ADGB: variants seen among roughly 807,000 people sequenced by gnomAD.
ADGB encodes the protein androglobin.
A neutral mutation model predicts 210.5 loss-of-function variants in ADGB; 172 were observed. That is an observed-to-expected ratio of 0.82 (90% CI 0.72 to 0.93). The LOEUF (loss-of-function observed/expected upper bound fraction) is 0.93, where lower values mean the gene tolerates loss of function less well. Among genes scored for constraint, ADGB ranks in the 40% least tolerant of loss-of-function variants. The pLI is 0.00. For synonymous variants in ADGB, 658 were observed against 662.7 expected (o/e 0.99, Z 0.11); for missense variants, 2,025 against 1,964.8 (o/e 1.03, Z -0.58).
chr6:146,615,907 C>G (rs942716537), intron 1 of ADGB, among the ~76,000 whole-genome samples: 3 of 152,244 alleles, frequency 2.0e-5, no homozygotes, highest in African/African-American at 7.2e-5. Flanking sequence ...ATACTGACTT[C>G]ATTTCCTTTG....
At chr6:146,704,763 T>C (rs977227250) in intron 13 of ADGB, among the ~76,000 whole-genome samples, 4 of 152,012 alleles carry the variant, frequency 2.6e-5, no homozygotes, top group Middle Eastern at 3.2e-3. Flanking sequence ...GGGTCTTTTG[T>C]GGTTTCACAT....
At chr6:146,642,653 G>A (rs1416831262) in intron 2 of ADGB, among the ~76,000 whole-genome samples, 1 of 151,864 alleles carries the variant, frequency 6.6e-6, no homozygotes, top group East Asian at 1.9e-4. Flanking sequence ...GCAAACTAAT[G>A]CAGGAACAAA....
chr6:146,762,361 T>C (rs891441755), intron 27 of ADGB, among the ~76,000 whole-genome samples: 22 of 152,174 alleles, frequency 1.4e-4, no homozygotes, highest in Non-Finnish European at 3.1e-4. Context: ...TGGAATTTCA[T>C]TTTGATTCTT....
chr6:146,800,032 A>C (rs1778103028), intron 33 of ADGB, among the ~76,000 whole-genome samples: 1 of 150,620 alleles, frequency 6.6e-6, no homozygotes, highest in Non-Finnish European at 1.5e-5. Flanking sequence ...CTGGTCTTGA[A>C]CTCCTGACCT....
At position 146,803,462 on chromosome 6, in the gene ADGB, A is replaced by G. The variant is rs1778162149; in HGVS notation, c.4818+1451A>G. ...CCAGGGGGCTGTTTTTTTCTGTAAC[A>G]AAGATTTGGAAAGGGATGATGAACT... On this transcript the variant is annotated intron_variant, in intron 35 of 35. Coordinates refer to ENST00000397944, the MANE Select transcript of ADGB (RefSeq NM_024694.4). The G allele has an allele frequency of 5.0e-6, 8 of 1,604,956 alleles. 1 individual carries two copies. In the East Asian group the frequency reaches 1.8e-4, roughly 36 times the overall value.
At chr6:146,707,622 A>C (rs146729728) in intron 13 of ADGB, among the ~76,000 whole-genome samples, 1 of 152,226 alleles carries the variant, frequency 6.6e-6, no homozygotes, top group East Asian at 1.9e-4. Flanking sequence ...TTTTGACTTA[A>C]AGTCTATTTT....
intron 28 of ADGB, among the ~76,000 whole-genome samples, chr6:146,768,265 G>C (rs1403644584): frequency 1.3e-5 from 2 of 152,090 alleles, no homozygotes; most frequent in African/African-American, 4.8e-5. Context: ...AAATTCATAG[G>C]AATGAATAGC....
chr6:146,807,375 T>A, intron 35 of ADGB: 1 of 1,546,866 alleles, frequency 6.5e-7, no homozygotes, highest in Middle Eastern at 1.7e-4. Flanking sequence ...AGTGGAATTA[T>A]TTGTTTGGGG....
At chr6:146,608,877 G>C (rs905051197) in intron 1 of ADGB, among the ~76,000 whole-genome samples, 1 of 152,140 alleles carries the variant, frequency 6.6e-6, no homozygotes, top group Admixed American at 6.6e-5. Flanking sequence ...GTAGATGTCT[G>C]TCAGGTCCAT....
intron 3 of ADGB, among the ~76,000 whole-genome samples, chr6:146,652,765 C>A (rs1271876275): frequency 1.3e-5 from 2 of 152,002 alleles, no homozygotes; most frequent in Non-Finnish European, 2.9e-5. Context: ...ACAAAATAGA[C>A]AATAATCATT....
chr6:146,692,598 C>A (rs1027796868), intron 11 of ADGB, among the ~76,000 whole-genome samples: 1 of 152,162 alleles, frequency 6.6e-6, no homozygotes, highest in Admixed American at 6.5e-5. Flanking sequence ...ACTTGTTTCA[C>A]ATAATCTGGA....
chr6:146,782,281 G>A lies in ADGB; in HGVS notation c.4035+89G>A, dbSNP rs9497622. The A allele has an allele frequency of 3.4e-5, 41 of 1,198,394 alleles. No homozygotes were observed. The African/African-American group carries it at 5.6e-4, about 16-fold the overall frequency. The allele number at this position is 1,198,394 out of a possible 1,614,324, so 74.2% of individuals were successfully genotyped here. On this transcript the variant is annotated intron_variant, in intron 30 of 35. Transcript: ENST00000397944. ...GCCTATCTCGTCTGAGGACAAAACC[G>A]TGAAACATTCTTTCTCCCTGATTCC...
At chr6:146,656,210 T>A (rs1258241576) in intron 4 of ADGB, among the ~76,000 whole-genome samples, 1 of 152,216 alleles carries the variant, frequency 6.6e-6, no homozygotes, top group Non-Finnish European at 1.5e-5. Flanking sequence ...CCTTGCTGCC[T>A]GTTAAAAACA....
At chr6:146,737,146 GA>G (rs955256373) in intron 23 of ADGB, among the ~76,000 whole-genome samples, 17 of 140,770 alleles carry the variant, frequency 1.2e-4, no homozygotes, top group South Asian at 2.2e-4. Context: ...AGAGGTGGCA[GA>G]AAAAAAAAAC....
At chr6:146,691,498 A>T (rs866596029) in intron 11 of ADGB, among the ~76,000 whole-genome samples, 210 of 16,958 alleles carry the variant, frequency 0.012, 6 homozygotes, top group Middle Eastern at 0.033. Context: ...ATATATATAT[A>T]TATTTTTTTT....
rs767354104 is a variant in ADGB at position 146,771,599 on chromosome 6, T to C, written c.3862+2468T>C. Among the ~76,000 whole-genome samples, 30 of 152,170 alleles carry C rather than the reference T, an allele frequency of 2.0e-4. 1 individual carries two copies. The highest frequency in any genetic ancestry group is 5.9e-4 in the Admixed American group (9 of 15,272). ...CACCATTCTCTGTCTTCTTTTTCTC[T>C]ATCAATTAACAGAAACCTGTTTGAA... On this transcript the variant is annotated intron_variant, in intron 29 of 35. Transcript: ENST00000397944.
At chr6:146,706,223 C>A (rs1474921688) in intron 13 of ADGB, among the ~76,000 whole-genome samples, 1 of 151,532 alleles carries the variant, frequency 6.6e-6, no homozygotes, top group African/African-American at 2.4e-5. Flanking sequence ...ACCTGGCCAA[C>A]ATGGGACAGT....
At chr6:146,616,902 C>T (rs1251360376) in intron 1 of ADGB, among the ~76,000 whole-genome samples, 1 of 151,968 alleles carries the variant, frequency 6.6e-6, no homozygotes, top group Non-Finnish European at 1.5e-5. Flanking sequence ...TTGTCCTTTT[C>T]ATTGAGGATT....
Position 146,728,658 on chromosome 6 carries a change from C to T in ADGB, c.2437C>T (p.Leu813Phe), listed in dbSNP as rs1776934386. The T allele has an allele frequency of 1.3e-6, 2 of 1,551,568 alleles. No individual in the cohort carries two copies. The highest frequency in any genetic ancestry group is 2.4e-5 in the South Asian group (2 of 84,044). Residue 813 changes from leucine to phenylalanine, a missense_variant, in exon 20 of 36, where the codon CTC becomes TTC. Transcript: ENST00000397944. ...VIANFKDKGK[L>F]SAALKDLQTA... ...TGCTAATTTCAAAGATAAGGGTAAACTCTCTGCAGCTTTGAAGGATCTGCA... is the reference window on the plus strand; with the variant it reads ...TGCTAATTTCAAAGATAAGGGTAAATTCTCTGCAGCTTTGAAGGATCTGCA...
Sources: allele counts gnomAD v4.1 joint callset (sites outside exome capture counted in the v4.1 genomes callset), GRCh38; gene constraint gnomAD v4.1.1; transcripts MANE v1.5; gene names NCBI Gene and HGNC (gene_info 2026-07-23, HGNC 2026-07-21).